The following MACF1 variants were observed in gnomAD, a reference collection of about 807,000 sequenced individuals.
The protein encoded by MACF1 is microtubule actin crosslinking factor 1, also known as microtubule-actin cross-linking factor 1.
In MACF1, 193 loss-of-function variants were observed where a neutral mutation model predicts 854.8. The ratio of observed to expected loss-of-function variants is 0.23; its 90% CI spans 0.20 to 0.25. MACF1 has a LOEUF of 0.25. Among genes scored for constraint, MACF1 ranks in the 10% least tolerant of loss-of-function variants. The pLI is 1.00. For synonymous variants in MACF1, 3,185 were observed against 3,226.7 expected (o/e 0.99, Z 0.44); for missense variants, 7,722 against 8,929.1 (o/e 0.86, Z 5.45).
At chr1:39,327,175 G>GTT in intron 35 of MACF1, 43 bp from the exon 36 acceptor site, 4 of 1,475,374 alleles carry the variant, frequency 2.7e-6, no homozygotes, top group Non-Finnish European at 2.8e-6. Context: ...TTTGGAGATT[G>GTT]TTTTTTTTTC....
Position 39,303,093 on chromosome 1 carries a change from C to G in MACF1, c.2789+15C>G, listed in dbSNP as rs1331524180. 1 of 1,612,622 alleles carries G rather than the reference C, an allele frequency of 6.2e-7. No individual in the cohort carries two copies. The highest frequency in any genetic ancestry group is 1.7e-5 in the Admixed American group (1 of 59,908). On this transcript the variant is annotated intron_variant, in intron 23 of 100. Transcript: ENST00000564288. ...ATGGCCAGCAGGTAACTTGGCTCAG[C>G]TGCCACTGGTACACCCACCTCTGCT...
intron 36 of MACF1, 78 bp downstream of exon 36, chr1:39,327,431 C>G (rs1646636443): frequency 1.4e-6 from 2 of 1,420,222 alleles, no homozygotes; most frequent in Non-Finnish European, 1.9e-6. Context: ...GATTCAGAGT[C>G]ATGATCACTA....
At position 39,347,023 on chromosome 1, in the gene MACF1, T is replaced by G; in HGVS notation, c.10628T>G (p.Leu3543Arg). The G allele has an allele frequency of 6.2e-7, 1 of 1,614,134 alleles. No individual in the cohort carries two copies. Residue 3543 changes from leucine to arginine, a missense_variant, in exon 41 of 101, where the codon CTT becomes CGT. By Grantham distance (102) the Leu-to-Arg change is moderately radical (BLOSUM62 -2). Transcript: ENST00000564288. Reference sequence around the variant, plus strand: ...GAAAGGAAAGCTCAGCTGGATGCTCTTGCTTTTGATATTCAGTTCTTTATC... The same window carrying G: ...GAAAGGAAAGCTCAGCTGGATGCTCGTGCTTTTGATATTCAGTTCTTTATC... ...MAERKAQLDA[L>R]AFDIQFFISE... is the part of the protein sequence containing the mutation.
intron 1 of MACF1, among the ~76,000 whole-genome samples, chr1:39,219,559 A>G (rs760011150): frequency 7.9e-5 from 12 of 152,182 alleles, no homozygotes; most frequent in Non-Finnish European, 1.3e-4. Flanking sequence ...AATCATTTAT[A>G]ATGTTTGTGC....
chr1:39,322,600 T>C lies in MACF1; in HGVS notation c.4030-8T>C, dbSNP rs765249664. On this transcript the variant is annotated splice_region_variant and splice_polypyrimidine_tract_variant and intron_variant, in intron 31 of 100. Coordinates refer to ENST00000564288, the MANE Select transcript of MACF1 (RefSeq NM_001394062.1). ...TGAGTAACTGTAGCGAAATTCATCC[T>C]TTCCTAGGACTATGAATTGCAACTG... 2 of 1,608,150 alleles carry C rather than the reference T, an allele frequency of 1.2e-6. No individual in the cohort carries two copies. Among genetic ancestry groups the C allele is most frequent in the Non-Finnish European group, 1.7e-6 (2 of 1,174,622 alleles).
At chr1:39,445,279 A>G (rs1329745468) in intron 80 of MACF1, among the ~76,000 whole-genome samples, 1 of 152,238 alleles carries the variant, frequency 6.6e-6, no homozygotes, top group Non-Finnish European at 1.5e-5. Context: ...ACCTCTTCCC[A>G]CTCATCCTCA....
At chr1:39,401,856 A>G (rs537243451) in intron 58 of MACF1, among the ~76,000 whole-genome samples, 1 of 152,344 alleles carries the variant, frequency 6.6e-6, no homozygotes, top group South Asian at 2.1e-4. Context: ...TAACGAAATG[A>G]AAGAGATGGT....
intron 2 of MACF1, among the ~76,000 whole-genome samples, chr1:39,135,300 G>A (rs1349636637): frequency 1.3e-5 from 2 of 152,130 alleles, no homozygotes; most frequent in African/African-American, 4.8e-5. Context: ...AGGCTGGAGT[G>A]CAATGGTGCG....
chr1:39,171,618 G>A (rs760652734), intron 2 of MACF1, among the ~76,000 whole-genome samples: 8 of 151,914 alleles, frequency 5.3e-5, no homozygotes, highest in Non-Finnish European at 7.4e-5. Flanking sequence ...TAAGTGTTTC[G>A]TTACAGACAT....
intron 2 of MACF1, among the ~76,000 whole-genome samples, chr1:39,125,827 T>C (rs1417447310): frequency 6.6e-6 from 1 of 152,154 alleles, no homozygotes; most frequent in Non-Finnish European, 1.5e-5. Context: ...ACCCCATCTC[T>C]ACTAAAAATA....
Position 39,462,016 on chromosome 1 carries a change from T to C in MACF1, c.21657T>C (p.Asp7219=). ...AGGATGCGTATCGACCAACAACCGA[T>C]GCAGATAAAATCGAAGATGAGGTAA... is the stretch of plus-strand genomic sequence containing the variant. ...PNKDAYRPTT[D]ADKIEDEVTR... The change falls in exon 93 of 101, where the codon GAT becomes GAC. Residue 7219 remains aspartate, a synonymous_variant. Transcript: ENST00000564288. 6.2e-7 allele frequency: 1 copy of C among 1,613,820 alleles called. No individual in the cohort carries two copies. The highest frequency in any genetic ancestry group is 2.2e-5 in the East Asian group (1 of 44,876).
At chr1:39,190,241 ATTTCT>A (rs748707520) in intron 2 of MACF1, among the ~76,000 whole-genome samples, 15 of 151,210 alleles carry the variant, frequency 9.9e-5, no homozygotes, top group Non-Finnish European at 1.2e-4. Context: ...GCCATAGGTA[ATTTCT>A]TTTCTTTTCT....
At chr1:39,102,786 A>G in intron 2 of MACF1, 1 of 702,608 alleles carries the variant, frequency 1.4e-6, no homozygotes, top group South Asian at 1.5e-5. Flanking sequence ...CAGGAGCAAA[A>G]GAAAATCAAA....
chr1:39,426,745 A>ATT (rs1643740152), intron 61 of MACF1, among the ~76,000 whole-genome samples: 1 of 151,990 alleles, frequency 6.6e-6, no homozygotes, highest in African/African-American at 2.4e-5. Flanking sequence ...AGTGAGCTAT[A>ATT]AAGTCTGTAG....
At chr1:39,459,884 G>T in intron 91 of MACF1, 1 of 1,284,512 alleles carries the variant, frequency 7.8e-7, no homozygotes. Flanking sequence ...TGACTTTTAA[G>T]CTTATTGGGT....
intron 47 of MACF1, among the ~76,000 whole-genome samples, chr1:39,359,981 C>A (rs1394954988): frequency 5.3e-5 from 3 of 56,232 alleles, no homozygotes; most frequent in African/African-American, 2.3e-4. Flanking sequence ...AGCAAGACTC[C>A]GTCTCAAAAA....
At position 39,084,606 on chromosome 1, in the gene MACF1, CG is replaced by C. The variant is rs999114993; in HGVS notation, c.220+169del. ...TGGAAAGACGTTGAAATAACATTAA[CG>C]AAAAACTCAAAAGAGGAAAATCTGC... On this transcript the variant is annotated intron_variant, in intron 2 of 93. Transcript: ENST00000361689. This position sits in a 1 kb window ranked among gnomAD's most constrained non-coding sequence, Gnocchi z 5.2. Among the ~76,000 whole-genome samples the C allele has an allele frequency of 1.9e-4, 29 of 152,116 alleles. No homozygotes were observed. Among genetic ancestry groups the C allele is most frequent in the African/African-American group, 6.0e-4 (25 of 41,422 alleles).
At chr1:39,337,718 C>A (rs892350735) in intron 38 of MACF1, among the ~76,000 whole-genome samples, 1 of 151,430 alleles carries the variant, frequency 6.6e-6, no homozygotes, top group African/African-American at 2.4e-5. Context: ...AGGCACCTGC[C>A]GCCACGCCTG....
intron 36 of MACF1, chr1:39,328,347 C>T (rs1312341492): frequency 1.3e-5 from 2 of 151,988 alleles, no homozygotes; most frequent in African/African-American, 4.8e-5. Flanking sequence ...CTGAGAACAT[C>T]CGGTTCTCAT....
Sources: allele counts gnomAD v4.1 joint callset (sites outside exome capture counted in the v4.1 genomes callset), GRCh38; gene constraint gnomAD v4.1.1; non-coding constraint Gnocchi (gnomAD v3.1); transcripts MANE v1.5; gene names NCBI Gene and HGNC (gene_info 2026-07-23, HGNC 2026-07-21).